Variants in EPB41L1 observed in about 807,000 individuals in gnomAD.
The protein encoded by EPB41L1 is band 4.1-like protein 1.
In EPB41L1, 29 loss-of-function variants were observed where a neutral mutation model predicts 97.8. The ratio of observed to expected loss-of-function variants is 0.30; its 90% CI spans 0.22 to 0.40. The LOEUF (loss-of-function observed/expected upper bound fraction) is 0.40, where lower values mean the gene tolerates loss of function less well. Among genes scored for constraint, EPB41L1 ranks in the 10% least tolerant of loss-of-function variants. The probability of loss-of-function intolerance (pLI) is 1.00; values close to 1 mark genes in which losing one functional copy is unlikely to be tolerated. For missense variants in EPB41L1, 812 were observed against 1,162.3 expected (o/e 0.70, Z 4.38); for synonymous variants, 383 against 459.2 (o/e 0.83, Z 2.12).
intron 18 of EPB41L1, 101 bp downstream of exon 18, chr20:36,219,063 G>C (rs764218792): frequency 7.8e-7 from 1 of 1,284,792 alleles, no homozygotes; most frequent in Non-Finnish European, 1.1e-6. Flanking sequence ...AGCCCAGAAG[G>C]CACCCTTCTA....
intron 14 of EPB41L1, among the ~76,000 whole-genome samples, chr20:36,203,148 C>G (rs935171495): frequency 3.3e-5 from 5 of 152,238 alleles, no homozygotes; most frequent in Non-Finnish European, 5.9e-5. Context: ...ACGCCAACCC[C>G]TCGGGCCAGG....
chr20:36,168,447 C>CACTTCTGAAGT (rs1184262080), intron 1 of EPB41L1, among the ~76,000 whole-genome samples: 1 of 152,156 alleles, frequency 6.6e-6, no homozygotes, highest in Non-Finnish European at 1.5e-5. Context: ...CGTTCTCAGG[C>CACTTCTGAAGT]CCCTCCTCAC....
chr20:36,216,899 G>A (rs1435200577), intron 17 of EPB41L1, among the ~76,000 whole-genome samples: 1 of 152,180 alleles, frequency 6.6e-6, no homozygotes, highest in Non-Finnish European at 1.5e-5. Flanking sequence ...ATGTTCAGGG[G>A]ACAAGAGGAA....
At chr20:36,170,793 C>T (rs2060955891) in intron 1 of EPB41L1, among the ~76,000 whole-genome samples, 1 of 152,096 alleles carries the variant, frequency 6.6e-6, no homozygotes. Flanking sequence ...CTCACTGGGT[C>T]TCACCTGTAA....
At chr20:36,194,172 G>A in intron 11 of EPB41L1, 40 bp from the exon 12 acceptor site, 1 of 1,612,080 alleles carries the variant, frequency 6.2e-7, no homozygotes, top group Non-Finnish European at 8.5e-7. Flanking sequence ...TCTCTGGGAG[G>A]GGTCTCACAT....
At chr20:36,100,967 G>T (rs2147497136) in intron 1 of EPB41L1, among the ~76,000 whole-genome samples, 1 of 152,280 alleles carries the variant, frequency 6.6e-6, no homozygotes, top group Admixed American at 6.5e-5. Context: ...GCATCGGTAT[G>T]GGGGGTGGTG....
intron 2 of EPB41L1, among the ~76,000 whole-genome samples, chr20:36,120,825 G>A (rs922739284): frequency 6.6e-6 from 1 of 152,094 alleles, no homozygotes; most frequent in Non-Finnish European, 1.5e-5. Context: ...CTGGATGTTA[G>A]TGTCCCCTTA....
At chr20:36,143,876 A>T (rs2059739169) in intron 2 of EPB41L1, among the ~76,000 whole-genome samples, 1 of 150,692 alleles carries the variant, frequency 6.6e-6, no homozygotes, top group African/African-American at 2.4e-5. Context: ...TTTTTGAGAC[A>T]GTGTCTCGCT....
chr20:36,136,397 C>T (rs866061871), intron 2 of EPB41L1, among the ~76,000 whole-genome samples: 5 of 128,578 alleles, frequency 3.9e-5, no homozygotes, highest in African/African-American at 1.5e-4. Flanking sequence ...CCAGGCTGAT[C>T]TGGAACTCCT....
intron 2 of EPB41L1, among the ~76,000 whole-genome samples, chr20:36,140,231 G>GTTT (rs756465286): frequency 1.6e-5 from 2 of 121,358 alleles, no homozygotes; most frequent in African/African-American, 3.0e-5. Flanking sequence ...CTTTTTGTAT[G>GTTT]TTTTTTTTTT....
Position 36,212,468 on chromosome 20 carries a change from C to G in EPB41L1, c.2184+92C>G. On this transcript the variant is annotated intron_variant, in intron 16 of 21. Transcript: ENST00000338074. The surrounding 1 kb of genome is among the most constrained non-coding windows in gnomAD (Gnocchi z 4.8). ...CTGTGGCCAAACCCCTTGGCCAGCT[C>G]TTTTAATCTCAGCTTCCCTGGAACC... The G allele has an allele frequency of 9.6e-7, 1 of 1,040,322 alleles. No individual in the cohort carries two copies. 64.4% of individuals were successfully genotyped at this position (1,040,322 alleles called of 1,614,324 possible). A position where few individuals can be genotyped will look rare whatever the true frequency, so the allele number is the denominator to read the frequency against.
At chr20:36,174,075 C>T (rs1159912864) in intron 2 of EPB41L1, 121 bp downstream of exon 2, 1 of 1,049,138 alleles carries the variant, frequency 9.5e-7, no homozygotes, top group Non-Finnish European at 1.4e-6. Flanking sequence ...TATTAGTGAC[C>T]TGTTACATGC....
intron 1 of EPB41L1, among the ~76,000 whole-genome samples, chr20:36,108,596 C>T (rs1286187466): frequency 6.6e-6 from 1 of 152,068 alleles, no homozygotes; most frequent in Non-Finnish European, 1.5e-5. Flanking sequence ...ATTGCTTGAA[C>T]CTGGGAGGCA....
chr20:36,131,125 G>A (rs1047106601), intron 2 of EPB41L1, among the ~76,000 whole-genome samples: 6 of 152,056 alleles, frequency 3.9e-5, no homozygotes, highest in African/African-American at 1.4e-4. Context: ...ACAGGCATGT[G>A]CCACCACGCC....
Position 36,222,385 on chromosome 20 carries a change from G to T in EPB41L1, c.2628G>T (p.Lys876Asn). ...ACCCATCCCCAGAGGAGAGGGACAA[G>T]AAGCCACAGGTAAGGCTCCTGAGGC... ...ETDPSPEERD[K>N]KPQES Residue 876 changes from lysine to asparagine, a missense_variant, in exon 21 of 22, where the codon AAG becomes AAT. Physicochemically the swap from Lys to Asn is moderately conservative, Grantham distance 94 (BLOSUM62 0). This residue lies in a region of EPB41L1 where 498 missense variants were observed against 622.7 expected (regional missense o/e 0.80). Transcript: ENST00000338074. 2 of 1,613,514 alleles carry T rather than the reference G, an allele frequency of 1.2e-6. No homozygotes were observed. The highest frequency in any genetic ancestry group is 8.5e-7 in the Non-Finnish European group (1 of 1,179,658).
intron 2 of EPB41L1, among the ~76,000 whole-genome samples, chr20:36,143,130 GGTGTGTTTGT>G (rs1470293409): frequency 9.4e-5 from 13 of 138,152 alleles, no homozygotes; most frequent in Non-Finnish European, 1.9e-4. Flanking sequence ...TGTGAGGGAG[GGTGTGTTTGT>G]GTGTGTGTGT....
intron 2 of EPB41L1, among the ~76,000 whole-genome samples, chr20:36,118,911 C>A (rs192117121): frequency 6.6e-6 from 1 of 152,168 alleles, no homozygotes; most frequent in African/African-American, 2.4e-5. Context: ...GAAACAGAGG[C>A]CTGGAAAGAT....
At chr20:36,122,229 G>C (rs2058774554) in intron 2 of EPB41L1, among the ~76,000 whole-genome samples, 1 of 152,170 alleles carries the variant, frequency 6.6e-6, no homozygotes, top group Admixed American at 6.5e-5. Flanking sequence ...ATAAGTTCCT[G>C]GGTCTCTTGC....
At chr20:36,170,811 G>A (rs1311296794) in intron 1 of EPB41L1, among the ~76,000 whole-genome samples, 1 of 152,218 alleles carries the variant, frequency 6.6e-6, no homozygotes, top group African/African-American at 2.4e-5. Flanking sequence ...TAAAGGAAGA[G>A]GAGTAGATTG....
Sources: allele counts gnomAD v4.1 joint callset (sites outside exome capture counted in the v4.1 genomes callset), GRCh38; gene constraint gnomAD v4.1.1; regional missense constraint gnomAD v4.1.1; non-coding constraint Gnocchi (gnomAD v3.1); transcripts MANE v1.5; gene names NCBI Gene and HGNC (gene_info 2026-07-23, HGNC 2026-07-21).